Variants in PPFIA2 observed in about 807,000 individuals in gnomAD.
PPFIA2 encodes PPFI scaffold protein A2.
PPFIA2 carries 46 observed loss-of-function variants against 175.5 expected under a neutral mutation model. The ratio of observed to expected loss-of-function variants is 0.26; its 90% confidence interval spans 0.21 to 0.34. The LOEUF (loss-of-function observed/expected upper bound fraction) is 0.34. Among genes scored for constraint, PPFIA2 ranks in the 10% least tolerant of loss-of-function variants. The probability of loss-of-function intolerance (pLI) is 1.00; values close to 1 mark genes in which losing one functional copy is unlikely to be tolerated. For synonymous variants in PPFIA2, 568 were observed against 511.4 expected (o/e 1.11, Z -1.49); for missense variants, 1,179 against 1,506.1 (o/e 0.78, Z 3.60).
intron 4 of PPFIA2, among the ~76,000 whole-genome samples, chr12:81,578,272 G>T (rs2073900252): frequency 6.6e-6 from 1 of 151,676 alleles, no homozygotes; most frequent in African/African-American, 2.4e-5. Flanking sequence ...CTAATTTAAT[G>T]AAGAAGGGGT....
At chr12:81,571,534 A>G (rs2072547230) in intron 4 of PPFIA2, among the ~76,000 whole-genome samples, 1 of 152,076 alleles carries the variant, frequency 6.6e-6, no homozygotes, top group African/African-American at 2.4e-5. Context: ...TGCCATCTTA[A>G]GCAAGTTACT....
intron 3 of PPFIA2, among the ~76,000 whole-genome samples, chr12:81,733,218 G>A (rs1922556): frequency 5.9e-5 from 9 of 151,410 alleles, no homozygotes; most frequent in Admixed American, 1.3e-4. Flanking sequence ...TTAGGTTTTA[G>A]GTTAAATAAC....
At chr12:81,265,643 T>C (rs2037026724) in intron 30 of PPFIA2, among the ~76,000 whole-genome samples, 1 of 152,128 alleles carries the variant, frequency 6.6e-6, no homozygotes, top group South Asian at 2.1e-4. Context: ...AATGACAAAA[T>C]TCTATTTTGT....
At chr12:81,403,793 G>C (rs537311220) in intron 8 of PPFIA2, among the ~76,000 whole-genome samples, 1 of 152,108 alleles carries the variant, frequency 6.6e-6, no homozygotes, top group African/African-American at 2.4e-5. Flanking sequence ...AGTGCTGACA[G>C]GCCACCGTGC....
chr12:81,400,129 G>T (rs1167665300), intron 8 of PPFIA2, among the ~76,000 whole-genome samples: 1 of 152,130 alleles, frequency 6.6e-6, no homozygotes, highest in Non-Finnish European at 1.5e-5. Flanking sequence ...AATAGGATGA[G>T]ATATTGATAA....
Position 81,347,280 on chromosome 12 carries a change from T to C in PPFIA2, c.2232+253A>G, listed in dbSNP as rs1408253624. Among the ~76,000 whole-genome samples the C allele has an allele frequency of 5.3e-5, 8 of 152,270 alleles. No homozygotes were observed. In the South Asian group the frequency reaches 1.7e-3, roughly 32 times the overall value. ...TCATTGACATTTATAATGTGCTATTTAGATCTCTGCTCTACCATTGACTTA... is the reference window on the plus strand; with the variant it reads ...TCATTGACATTTATAATGTGCTATTCAGATCTCTGCTCTACCATTGACTTA... On this transcript the variant is annotated intron_variant, in intron 18 of 32. Transcript: ENST00000549396.
intron 4 of PPFIA2, among the ~76,000 whole-genome samples, chr12:81,635,409 A>T (rs1470366011): frequency 6.6e-6 from 1 of 152,188 alleles, no homozygotes; most frequent in East Asian, 1.9e-4. Context: ...GAAAATAATA[A>T]TTTTATTAGG....
intron 4 of PPFIA2, among the ~76,000 whole-genome samples, chr12:81,630,750 C>T (rs2063278940): frequency 6.6e-6 from 1 of 151,876 alleles, no homozygotes; most frequent in Non-Finnish European, 1.5e-5. Context: ...GGTAGCTCAA[C>T]CTAGATCTAT....
chr12:81,619,654 T>G (rs532328743), intron 4 of PPFIA2, among the ~76,000 whole-genome samples: 3 of 152,356 alleles, frequency 2.0e-5, no homozygotes, highest in African/African-American at 7.2e-5. Context: ...CTTCATTATT[T>G]TTGCAAACAA....
chr12:81,681,122 C>A (rs564485259), intron 3 of PPFIA2, among the ~76,000 whole-genome samples: 1 of 151,968 alleles, frequency 6.6e-6, no homozygotes, highest in South Asian at 2.1e-4. Flanking sequence ...TAGCAAGCAC[C>A]TACGCCATGT....
At chr12:81,728,053 A>G (rs1384541485) in intron 3 of PPFIA2, among the ~76,000 whole-genome samples, 4 of 151,492 alleles carry the variant, frequency 2.6e-5, no homozygotes, top group Admixed American at 2.0e-4. Flanking sequence ...AAATGTGTTG[A>G]TTAATATGAT....
chr12:81,380,276 G>A (rs2037344223), intron 9 of PPFIA2, among the ~76,000 whole-genome samples: 1 of 152,034 alleles, frequency 6.6e-6, no homozygotes, highest in Admixed American at 6.6e-5. Context: ...TGAGGTGAGA[G>A]GATTGCTTGA....
At chr12:81,383,081 G>A (rs2038108438) in intron 9 of PPFIA2, among the ~76,000 whole-genome samples, 2 of 152,092 alleles carry the variant, frequency 1.3e-5, no homozygotes, top group South Asian at 4.1e-4. Flanking sequence ...CTTGGATTCA[G>A]TAACATGGAG....
intron 4 of PPFIA2, among the ~76,000 whole-genome samples, chr12:81,649,090 C>T (rs758154322): frequency 2.8e-4 from 43 of 151,258 alleles, no homozygotes; most frequent in Non-Finnish European, 5.2e-4. Flanking sequence ...GCCTCAAAAA[C>T]AAGGAAAAAA....
chr12:81,626,948 T>C (rs926036501), intron 4 of PPFIA2, among the ~76,000 whole-genome samples: 1 of 152,098 alleles, frequency 6.6e-6, no homozygotes, highest in Non-Finnish European at 1.5e-5. Context: ...ATCAAAACTA[T>C]TTTAATCCAT....
chr12:81,562,874 A>AAAG (rs1567344308), intron 4 of PPFIA2, among the ~76,000 whole-genome samples: 16 of 149,550 alleles, frequency 1.1e-4, no homozygotes, highest in African/African-American at 3.0e-4. Context: ...AAAAAAAAAA[A>AAAG]AGAGAGAGTA....
chr12:81,287,250 T>C (rs577221742), intron 24 of PPFIA2, among the ~76,000 whole-genome samples: 1 of 152,060 alleles, frequency 6.6e-6, no homozygotes, highest in South Asian at 2.1e-4. Context: ...CTTTGAATCG[T>C]AATCCAAATA....
chr12:81,471,883 A>G (rs773387434), intron 4 of PPFIA2, among the ~76,000 whole-genome samples: 2 of 152,204 alleles, frequency 1.3e-5, no homozygotes, highest in Non-Finnish European at 2.9e-5. Flanking sequence ...TTTTGAGGTG[A>G]TGAACATGTT....
chr12:81,674,936 A>G (rs552531272), intron 4 of PPFIA2, among the ~76,000 whole-genome samples: 112 of 152,074 alleles, frequency 7.4e-4, no homozygotes, highest in African/African-American at 2.6e-3. Flanking sequence ...ACAATGGGAG[A>G]CACTAAATTA....
Sources: gnomAD v4.1 joint callset for allele counts (sites outside exome capture counted in the v4.1 genomes callset) on GRCh38, gnomAD v4.1.1 for gene constraint, MANE v1.5 for transcripts, NCBI Gene and HGNC (gene_info 2026-07-23, HGNC 2026-07-21) for gene names.